The following JAK2 variants were observed in gnomAD, a reference collection of about 807,000 sequenced individuals.
JAK2 encodes the protein tyrosine-protein kinase JAK2.
In JAK2, 86 loss-of-function variants were observed where a neutral mutation model predicts 139.3. That is an observed-to-expected ratio of 0.62 (90% CI 0.52 to 0.74). The LOEUF is 0.74. Ranked by LOEUF, JAK2 falls within the 30% of genes least tolerant of loss-of-function variation. The pLI is 0.00. For synonymous variants in JAK2, 490 were observed against 437.7 expected, an observed-to-expected ratio of 1.12 and a Z score of -1.49; for missense variants, 1,421 against 1,360.3, an observed-to-expected ratio of 1.04 and a Z score of -0.70.
At chr9:5,066,612 A>T in intron 9 of JAK2, 66 bp from the exon 10 acceptor site, 1 of 874,428 alleles carries the variant, frequency 1.1e-6, no homozygotes, top group Non-Finnish European at 1.9e-6. Context: ...ATTGTTTTAG[A>T]TGACACTTGG....
intron 2 of JAK2, among the ~76,000 whole-genome samples, chr9:5,001,234 A>G (rs1424490479): frequency 2.9e-4 from 44 of 152,176 alleles, no homozygotes; most frequent in Admixed American, 2.9e-3. Context: ...CCAGTGTTGA[A>G]TAGAAATGGT....
At chr9:5,119,486 T>C (rs1318542934) in intron 22 of JAK2, among the ~76,000 whole-genome samples, 1 of 152,032 alleles carries the variant, frequency 6.6e-6, no homozygotes, top group African/African-American at 2.4e-5. Context: ...TGCCTATACA[T>C]GTGAAAAAAT....
intron 4 of JAK2, among the ~76,000 whole-genome samples, chr9:5,030,327 T>A (rs1455805315): frequency 2.6e-5 from 4 of 152,184 alleles, no homozygotes; most frequent in Admixed American, 2.0e-4. Flanking sequence ...CAGTGTGTAT[T>A]TGCAGCCTCA....
intron 2 of JAK2, among the ~76,000 whole-genome samples, chr9:5,004,086 CA>C (rs1168781127): frequency 6.6e-6 from 1 of 152,054 alleles, no homozygotes; most frequent in African/African-American, 2.4e-5. Context: ...TGCAGAATGG[CA>C]AAATCAGTCT....
intron 22 of JAK2, among the ~76,000 whole-genome samples, chr9:5,106,419 C>A (rs12340770): frequency 9.9e-5 from 15 of 152,064 alleles, no homozygotes; most frequent in African/African-American, 3.6e-4. Context: ...GAAGATGTGG[C>A]GAAATAGGAA....
In JAK2 at chr9:5,054,692, A is replaced by G; in HGVS notation, c.744A>G (p.Arg248=). ...QQFSQCKATA[R]NLKLKYLINL... ...TCAGCCAATGCAAAGCCACTGCCAG[A>G]AACTTGAAACTTAAGTATCTTATAA... Residue 248 remains arginine (R), a synonymous_variant, in exon 7 of 25, where the codon AGA becomes AGG. Coordinates refer to ENST00000381652, the MANE Select transcript of JAK2 (RefSeq NM_004972.4). The surrounding 1 kb of genome is among the most constrained non-coding windows in gnomAD (Gnocchi z 4.9). 6.2e-7 allele frequency: 1 copy of G among 1,613,492 alleles called. No individual in the cohort carries two copies. Among genetic ancestry groups the G allele is most frequent in the Non-Finnish European group, 8.5e-7 (1 of 1,179,506 alleles).
chr9:5,004,621 A>G (rs1414748725), intron 2 of JAK2, among the ~76,000 whole-genome samples: 3 of 151,970 alleles, frequency 2.0e-5, no homozygotes, highest in Non-Finnish European at 4.4e-5. Context: ...TTGCTTTGAC[A>G]TATTATTTTT....
intron 19 of JAK2, among the ~76,000 whole-genome samples, chr9:5,089,436 G>T (rs1820392914): frequency 6.6e-6 from 1 of 151,678 alleles, no homozygotes; most frequent in African/African-American, 2.4e-5. Context: ...TACTGGGGAG[G>T]CTGAGGCAGG....
intron 2 of JAK2, among the ~76,000 whole-genome samples, chr9:4,994,655 C>T (rs1254515468): frequency 1.3e-5 from 2 of 152,166 alleles, no homozygotes; most frequent in African/African-American, 2.4e-5. Flanking sequence ...AATGAACAGA[C>T]GTGGCTCATG....
chr9:5,042,861 G>A (rs1036166283), intron 4 of JAK2, among the ~76,000 whole-genome samples: 1 of 152,220 alleles, frequency 6.6e-6, no homozygotes, highest in Non-Finnish European at 1.5e-5. Flanking sequence ...AAGCTCGGTC[G>A]CCACAGGCAC....
chr9:4,991,526 T>A (rs1820245531), intron 2 of JAK2, among the ~76,000 whole-genome samples: 1 of 152,194 alleles, frequency 6.6e-6, no homozygotes. Context: ...GTATATGATT[T>A]CAGGCAACTC....
intron 22 of JAK2, among the ~76,000 whole-genome samples, chr9:5,092,615 C>G (rs1424942049): frequency 6.6e-6 from 1 of 152,102 alleles, no homozygotes; most frequent in African/African-American, 2.4e-5. Context: ...GATGAAAGAA[C>G]TGAGCAAAGA....
chr9:5,037,153 A>T (rs1222372341), intron 4 of JAK2, among the ~76,000 whole-genome samples: 5 of 151,112 alleles, frequency 3.3e-5, no homozygotes, highest in African/African-American at 7.3e-5. Flanking sequence ...AAAACCACAA[A>T]GAGATACCAT....
Position 5,112,081 on chromosome 9 carries a change from TAGA to T in JAK2, c.3060-10919_3060-10917del, listed in dbSNP as rs1586819282. ...GGTCTCCACGGCCTGGAGAGTAAGA[TAGA>T]AGACCACCTACCTGAACGAGGGCAT... is the stretch of plus-strand genomic sequence containing the variant. On this transcript the variant is annotated intron_variant, in intron 22 of 24. Transcript: ENST00000381652. The T allele has an allele frequency of 1.6e-5, 6 of 381,242 alleles. No homozygotes were observed. In the East Asian group the frequency reaches 4.7e-4, roughly 30 times the overall value. 23.6% of individuals were successfully genotyped at this position (381,242 alleles called of 1,614,324 possible).
At position 5,064,945 on chromosome 9, in the gene JAK2, T is replaced by C. The variant is rs1818463728; in HGVS notation, c.1119T>C (p.Tyr373=). The C allele has an allele frequency of 6.2e-7, 1 of 1,605,916 alleles. No individual in the cohort carries two copies. ...LSFVSLIDGY[Y]RLTADAHHYL... ...TCGTGTCATTAATTGATGGATATTATAGATTAACTGCAGATGCACATCATT... is the reference window on the plus strand; with the variant it reads ...TCGTGTCATTAATTGATGGATATTACAGATTAACTGCAGATGCACATCATT... Residue 373 remains tyrosine, a synonymous_variant, in exon 9 of 25, where the codon TAT becomes TAC. Coordinates refer to ENST00000381652, the MANE Select transcript of JAK2 (RefSeq NM_004972.4).
chr9:5,101,495 C>T (rs1302827681), intron 22 of JAK2, among the ~76,000 whole-genome samples: 3 of 152,266 alleles, frequency 2.0e-5, no homozygotes, highest in Admixed American at 6.5e-5. Flanking sequence ...CAGACTTAAA[C>T]GTCCCTGTCT....
At chr9:5,111,145 G>A (rs1342628905) in intron 22 of JAK2, 3 of 916,578 alleles carry the variant, frequency 3.3e-6, no homozygotes, top group South Asian at 2.8e-5. Context: ...CAGCGAAGGC[G>A]CTCAACTTGC....
chr9:5,112,675 C>A, intron 22 of JAK2: 1 of 941,776 alleles, frequency 1.1e-6, no homozygotes, highest in Non-Finnish European at 1.5e-6. Context: ...ACCAGGCCGT[C>A]TCGGTCATCC....
chr9:5,080,794 C>A (rs925948551), intron 18 of JAK2, 111 bp downstream of exon 18: 21 of 762,976 alleles, frequency 2.8e-5, no homozygotes, highest in Non-Finnish European at 3.9e-5. Context: ...GTCATTTGGG[C>A]CCTCTTAATT....
Sources: allele counts gnomAD v4.1 joint callset (sites outside exome capture counted in the v4.1 genomes callset), GRCh38; gene constraint gnomAD v4.1.1; non-coding constraint Gnocchi (gnomAD v3.1); transcripts MANE v1.5; gene names NCBI Gene and HGNC (gene_info 2026-07-23, HGNC 2026-07-21).